ATR: variants seen among roughly 807,000 people sequenced by gnomAD.
ATR encodes ATR checkpoint kinase, also known as serine/threonine-protein kinase ATR.
In ATR, 142 loss-of-function variants were observed where a neutral mutation model predicts 305.3. The observed-to-expected ratio is 0.47, with a 90% confidence interval of 0.41 to 0.53. The LOEUF (loss-of-function observed/expected upper bound fraction) is 0.53, where lower values mean the gene tolerates loss of function less well. Ranked by LOEUF, ATR falls within the 20% of genes least tolerant of loss-of-function variation. The probability of loss-of-function intolerance (pLI) is 0.00; values close to 1 mark genes in which losing one functional copy is unlikely to be tolerated. For missense variants in ATR, 2,135 were observed against 3,133.1 expected (o/e 0.68, Z 7.60); for synonymous variants, 1,050 against 1,068.1 (o/e 0.98, Z 0.33).
chr3:142,481,636 G>A (rs1214041444), intron 36 of ATR, among the ~76,000 whole-genome samples: 1 of 152,014 alleles, frequency 6.6e-6, no homozygotes, highest in African/African-American at 2.4e-5. Context: ...GACCATGGTT[G>A]TACACCCTAT....
intron 23 of ATR, among the ~76,000 whole-genome samples, chr3:142,519,988 TA>T (rs2108389520): frequency 6.6e-6 from 1 of 152,346 alleles, no homozygotes; most frequent in Admixed American, 6.5e-5. Context: ...ATGCATGCAG[TA>T]AATCTATCAG....
In ATR at chr3:142,469,430, G is replaced by A. The variant is rs374110291; in HGVS notation, c.6459C>T (p.His2153=). The change falls in exon 38 of 47, where the codon CAC becomes CAT. Residue 2153 remains histidine (H), a synonymous_variant. Transcript: ENST00000350721. ...SQLISRICHS[H]DEVFVVLMEI... ...CCATCAAGACAACAAAAACTTCATC[G>A]TGAGAATGACAAATTCGAGAGATCA... The A allele has an allele frequency of 2.0e-5, 32 of 1,613,846 alleles. No individual in the cohort carries two copies. The Middle Eastern group carries it at 1.2e-3, about 58-fold the overall frequency.
At chr3:142,483,836 A>G (rs1383351559) in intron 36 of ATR, among the ~76,000 whole-genome samples, 1 of 151,404 alleles carries the variant, frequency 6.6e-6, no homozygotes, top group Non-Finnish European at 1.5e-5. Context: ...CTGTCTTAAA[A>G]TAAATAAAAT....
chr3:142,531,707 A>T (rs2033654653), intron 21 of ATR, among the ~76,000 whole-genome samples: 1 of 151,608 alleles, frequency 6.6e-6, no homozygotes, highest in African/African-American at 2.4e-5. Context: ...ATAGTGCTGC[A>T]ATAAACATAT....
chr3:142,512,150 A>T, intron 27 of ATR, 110 bp downstream of exon 27: 1 of 988,578 alleles, frequency 1.0e-6, no homozygotes, highest in Non-Finnish European at 1.5e-6. Flanking sequence ...AAAAACATGA[A>T]GCAAGGTATT....
chr3:142,553,643 C>A lies in ATR; in HGVS notation c.2630G>T (p.Gly877Val). 1.9e-6 allele frequency: 3 copies of A among 1,603,744 alleles called. No homozygotes were observed. The highest frequency in any genetic ancestry group is 2.6e-6 in the Non-Finnish European group (3 of 1,171,160). Residue 877 changes from glycine (G) to valine (V), a missense_variant, in exon 12 of 47, where the codon GGA becomes GTA. Gly to Val is a moderately radical substitution (Grantham distance 109, BLOSUM62 -3). This residue lies in a region of ATR where 530 missense variants were observed against 766.8 expected (regional missense o/e 0.69). Transcript: ENST00000350721. ...DTLILTTGDI[G>V]RAAKGDLVPF... is the part of the protein sequence containing the mutation. ...ACACAAATGCTGCCAAGTATACCTT[C>A]CAATATCCCCTGTTGTAAGAATCAA...
intron 40 of ATR, 81 bp from the exon 41 acceptor site, chr3:142,465,321 TA>T (rs78538255): frequency 0.15 from 114,592 of 787,768 alleles, 29 homozygotes; most frequent in East Asian, 0.18. Flanking sequence ...TTGAGTTATG[TA>T]AAAAAAAAAA....
At chr3:142,514,762 C>T (rs1212246598) in intron 25 of ATR, among the ~76,000 whole-genome samples, 5 of 140,528 alleles carry the variant, frequency 3.6e-5, no homozygotes, top group Non-Finnish European at 7.5e-5. Context: ...GAGCCGAGAT[C>T]GCACCACTGC....
At chr3:142,496,964 T>G in intron 33 of ATR, 49 bp downstream of exon 33, 1 of 1,556,748 alleles carries the variant, frequency 6.4e-7, no homozygotes, top group Non-Finnish European at 8.8e-7. Flanking sequence ...AATATCCAAA[T>G]ACCAAATTCA....
intron 1 of ATR, among the ~76,000 whole-genome samples, chr3:142,575,428 G>C (rs1347270024): frequency 2.0e-5 from 3 of 148,780 alleles, no homozygotes; most frequent in East Asian, 4.0e-4. Context: ...AGGTTGCAGT[G>C]AGCAGAGATC....
chr3:142,495,139 C>T (rs531853046), intron 34 of ATR, among the ~76,000 whole-genome samples: 2 of 152,220 alleles, frequency 1.3e-5, no homozygotes, highest in African/African-American at 4.8e-5. Flanking sequence ...AGAGGAGAAA[C>T]AGATATTGAG....
chr3:142,528,259 C>T (rs552864906), intron 21 of ATR, among the ~76,000 whole-genome samples: 16 of 152,306 alleles, frequency 1.1e-4, no homozygotes, highest in African/African-American at 2.9e-4. Flanking sequence ...TTTAGATCTT[C>T]TACGTATTTA....
intron 46 of ATR, 28 bp from the exon 47 acceptor site, chr3:142,449,630 A>C (rs751311977): frequency 3.1e-6 from 5 of 1,606,428 alleles, no homozygotes; most frequent in Non-Finnish European, 4.3e-6. Context: ...AAAACCAAAA[A>C]CAGATGTTAA....
chr3:142,458,854 T>C, intron 44 of ATR, 104 bp downstream of exon 44: 1 of 1,323,964 alleles, frequency 7.6e-7, no homozygotes, highest in Non-Finnish European at 1.1e-6. Flanking sequence ...ATAACTCAAC[T>C]GTGAGTATAA....
chr3:142,578,683 G>C lies in ATR; in HGVS notation c.22C>G (p.Leu8Val). The change falls in exon 1 of 47, where the codon CTG becomes GTG. Residue 8 changes from leucine to valine, a missense_variant. Physicochemically the swap from Leu to Val is conservative, Grantham distance 32. Coordinates refer to ENST00000350721, the MANE Select transcript of ATR (RefSeq NM_001184.4). Reference sequence around the variant, plus strand: ...CGCAGGGCGGGGATCATGGAAGCCAGCTCCAGGCCATGTTCCCCCATGCTG... The same window carrying C: ...CGCAGGGCGGGGATCATGGAAGCCACCTCCAGGCCATGTTCCCCCATGCTG... MGEHGLELASMIPALREL... is the reference protein window; with the variant it reads MGEHGLEVASMIPALREL... 1.2e-6 allele frequency: 2 copies of C among 1,613,390 alleles called. No individual in the cohort carries two copies. Among genetic ancestry groups the C allele is most frequent in the Non-Finnish European group, 1.7e-6 (2 of 1,179,816 alleles).
intron 10 of ATR, among the ~76,000 whole-genome samples, chr3:142,555,582 TA>T (rs775720431): frequency 2.6e-4 from 40 of 152,162 alleles, no homozygotes; most frequent in Non-Finnish European, 5.3e-4. Context: ...CTGGTATCAC[TA>T]AAGAAGATAA....
In ATR at chr3:142,461,974, C is replaced by T. The variant is rs2071031239; in HGVS notation, c.7158G>A (p.Leu2386=). 1 of 1,613,550 alleles carries T rather than the reference C, an allele frequency of 6.2e-7. No individual in the cohort carries two copies. Among genetic ancestry groups the T allele is most frequent in the African/African-American group, 1.3e-5 (1 of 74,914 alleles). The change falls in exon 42 of 47, where the codon TTG becomes TTA. Residue 2386 remains leucine (L), a synonymous_variant. Transcript: ENST00000350721. Reference sequence around the variant, plus strand: ...TATATAGTTTGGTCAGAATAGGTCTCAAACCAGCAGTGTTGTTCACCCATT... The same window carrying T: ...TATATAGTTTGGTCAGAATAGGTCTTAAACCAGCAGTGTTGTTCACCCATT... The part of the protein sequence containing the change: ...IIEWVNNTAG[L]RPILTKLYKE...
chr3:142,568,237 C>T, intron 1 of ATR, 83 bp from the exon 2 acceptor site: 5 of 987,942 alleles, frequency 5.1e-6, no homozygotes, highest in Non-Finnish European at 7.9e-6. Context: ...TAGAACTCAT[C>T]AAATGTGTTC....
At chr3:142,476,587 G>C (rs1039587468) in intron 36 of ATR, among the ~76,000 whole-genome samples, 2 of 151,434 alleles carry the variant, frequency 1.3e-5, no homozygotes, top group Non-Finnish European at 2.9e-5. Flanking sequence ...GCTCTTTTTT[G>C]GTTTCATATG....
Sources: allele counts gnomAD v4.1 joint callset (sites outside exome capture counted in the v4.1 genomes callset), GRCh38; gene constraint gnomAD v4.1.1; regional missense constraint gnomAD v4.1.1; transcripts MANE v1.5; gene names NCBI Gene and HGNC (gene_info 2026-07-23, HGNC 2026-07-21).